RBFOX1: variants seen among roughly 807,000 people sequenced by gnomAD.
RBFOX1 encodes the protein RNA binding fox-1 homolog 1, also known as RNA binding protein fox-1 homolog 1.
RBFOX1 carries 8 observed loss-of-function variants against 57.7 expected under a neutral mutation model. The observed-to-expected ratio is 0.14, with a 90% CI of 0.08 to 0.25. The LOEUF (loss-of-function observed/expected upper bound fraction) is 0.25. Ranked by LOEUF, RBFOX1 falls within the 10% of genes least tolerant of loss-of-function variation. The pLI, the probability that RBFOX1 is intolerant of heterozygous loss-of-function variation, is 1.00. For missense variants in RBFOX1, 611 were observed against 548.5 expected (o/e 1.11, Z -1.14); for synonymous variants, 326 against 222.4 (o/e 1.47, Z -4.15).
chr16:7,248,245 C>T (rs2094383072), intron 4 of RBFOX1, among the ~76,000 whole-genome samples: 1 of 152,178 alleles, frequency 6.6e-6, no homozygotes. Flanking sequence ...ACCATTAACA[C>T]AGTGAGTGGC....
chr16:7,340,262 A>C (rs533155571), intron 4 of RBFOX1, among the ~76,000 whole-genome samples: 1 of 152,350 alleles, frequency 6.6e-6, no homozygotes, highest in East Asian at 1.9e-4. Flanking sequence ...CAGACATTCA[A>C]ACCTGTGCTT....
intron 3 of RBFOX1, among the ~76,000 whole-genome samples, chr16:6,898,866 C>T (rs1380558076): frequency 1.4e-5 from 2 of 144,742 alleles, no homozygotes; most frequent in Non-Finnish European, 3.0e-5. Context: ...ATATATTACA[C>T]ACATGTACAC....
At chr16:7,156,906 C>G (rs928849788) in intron 4 of RBFOX1, among the ~76,000 whole-genome samples, 2 of 152,010 alleles carry the variant, frequency 1.3e-5, no homozygotes, top group African/African-American at 2.4e-5. Flanking sequence ...AAGTTTTATC[C>G]GTTTACATTC....
At chr16:7,449,728 G>T (rs1336346291) in intron 4 of RBFOX1, among the ~76,000 whole-genome samples, 3 of 69,590 alleles carry the variant, frequency 4.3e-5, no homozygotes, top group African/African-American at 1.6e-4. Flanking sequence ...GTGTGTGTGT[G>T]TGGGGGGGGG....
At chr16:6,196,275 A>T (rs2097179296) in intron 1 of RBFOX1, among the ~76,000 whole-genome samples, 1 of 152,176 alleles carries the variant, frequency 6.6e-6, no homozygotes, top group Non-Finnish European at 1.5e-5. Context: ...TTACCCCTGC[A>T]CCAGAGGAAG....
chr16:5,744,302 C>A (rs1411394669), intron 3 of RBFOX1, among the ~76,000 whole-genome samples: 4 of 152,152 alleles, frequency 2.6e-5, no homozygotes, highest in African/African-American at 9.7e-5. Flanking sequence ...CACCTTGAAC[C>A]CGTTTCCTTT....
At chr16:6,490,352 A>T (rs1375704501) in intron 2 of RBFOX1, among the ~76,000 whole-genome samples, 1 of 152,226 alleles carries the variant, frequency 6.6e-6, no homozygotes, top group African/African-American at 2.4e-5. Flanking sequence ...ATAAATGAGT[A>T]CATGGATGGA....
At chr16:5,285,381 T>C (rs532177241) in intron 1 of RBFOX1, among the ~76,000 whole-genome samples, 1 of 152,334 alleles carries the variant, frequency 6.6e-6, no homozygotes, top group South Asian at 2.1e-4. Context: ...TTGTATTCAT[T>C]ATCTGTGTTC....
At chr16:7,423,866 T>C (rs929203297) in intron 4 of RBFOX1, among the ~76,000 whole-genome samples, 2 of 152,194 alleles carry the variant, frequency 1.3e-5, no homozygotes, top group African/African-American at 4.8e-5. Flanking sequence ...CGCCATGCAT[T>C]ATGCACATGA....
chr16:7,657,026 T>G (rs1401505114), intron 12 of RBFOX1, among the ~76,000 whole-genome samples: 2 of 152,188 alleles, frequency 1.3e-5, no homozygotes, highest in African/African-American at 4.8e-5. Context: ...AGAATTTGTT[T>G]CCACTGTCAC....
At chr16:7,104,307 C>T (rs768891018) in intron 4 of RBFOX1, among the ~76,000 whole-genome samples, 2 of 152,108 alleles carry the variant, frequency 1.3e-5, no homozygotes, top group Non-Finnish European at 2.9e-5. Flanking sequence ...ATAAGACAGT[C>T]CTGTTAGTTG....
intron 1 of RBFOX1, among the ~76,000 whole-genome samples, chr16:6,066,334 C>T (rs939831394): frequency 8.1e-6 from 1 of 122,758 alleles, no homozygotes; most frequent in African/African-American, 3.5e-5. Flanking sequence ...ATAATTCAGA[C>T]GTGGCAGTTG....
intron 4 of RBFOX1, among the ~76,000 whole-genome samples, chr16:7,211,114 G>A (rs571710799): frequency 1.2e-3 from 176 of 150,230 alleles, no homozygotes; most frequent in African/African-American, 3.6e-3. Flanking sequence ...ACTCTGGGCC[G>A]GGTGCTGTGG....
intron 4 of RBFOX1, among the ~76,000 whole-genome samples, chr16:7,127,795 T>G (rs2068998083): frequency 6.6e-6 from 1 of 152,204 alleles, no homozygotes; most frequent in African/African-American, 2.4e-5. Flanking sequence ...TTGGCACATC[T>G]TGGTAGGATG....
rs149076832 is a variant in RBFOX1, at chr16:5,726,446, C to G, written c.318+127485C>G. On this transcript the variant is annotated intron_variant, in intron 3 of 19. Transcript: ENST00000641259. Reference sequence around the variant, plus strand: ...AACCCCTCCATTGCCAAGGTCGCCACCAGCAAGCCAGGACCTTCACTTTCT... The same window carrying G: ...AACCCCTCCATTGCCAAGGTCGCCAGCAGCAAGCCAGGACCTTCACTTTCT... Among the ~76,000 whole-genome samples the G allele has an allele frequency of 1.1e-3, 165 of 152,302 alleles. No homozygotes were observed. The Middle Eastern group carries it at 0.017, about 16-fold the overall frequency.
chr16:6,802,167 G>A (rs1056422187), intron 3 of RBFOX1, among the ~76,000 whole-genome samples: 2 of 150,856 alleles, frequency 1.3e-5, no homozygotes, highest in Non-Finnish European at 2.9e-5. Context: ...GCACAATTCT[G>A]GGTGGGCTTT....
At chr16:7,082,081 A>G (rs527584299) in intron 4 of RBFOX1, among the ~76,000 whole-genome samples, 5 of 152,194 alleles carry the variant, frequency 3.3e-5, no homozygotes, top group East Asian at 1.9e-4. Context: ...AACCACCCCA[A>G]TTTGCAGGAT....
At chr16:7,154,467 C>A (rs1372048709) in intron 4 of RBFOX1, among the ~76,000 whole-genome samples, 2 of 152,180 alleles carry the variant, frequency 1.3e-5, no homozygotes, top group Non-Finnish European at 2.9e-5. Context: ...ATTTACCTGA[C>A]AAGAGGTCAT....
At chr16:5,956,954 G>A (rs116441886) in intron 4 of RBFOX1, among the ~76,000 whole-genome samples, 1 of 151,856 alleles carries the variant, frequency 6.6e-6, no homozygotes, top group East Asian at 1.9e-4. Context: ...ACATGCCTGA[G>A]CCACTGCGCC....
Sources: gnomAD v4.1 joint callset for allele counts (sites outside exome capture counted in the v4.1 genomes callset) on GRCh38, gnomAD v4.1.1 for gene constraint, MANE v1.5 for transcripts, NCBI Gene and HGNC (gene_info 2026-07-23, HGNC 2026-07-21) for gene names.